The following TTLL5 variants were observed in gnomAD, a reference collection of about 807,000 sequenced individuals.
TTLL5 encodes the protein tubulin polyglutamylase TTLL5.
TTLL5 carries 132 observed loss-of-function variants against 168.4 expected under a neutral mutation model. The ratio of observed to expected loss-of-function variants is 0.78; its 90% CI spans 0.68 to 0.91. The LOEUF is 0.91. TTLL5 is among the 40% of genes least tolerant of loss of function. The probability of loss-of-function intolerance (pLI) is 0.00; values close to 1 mark genes in which losing one functional copy is unlikely to be tolerated. For missense variants in TTLL5, 1,545 were observed against 1,581.5 expected (o/e 0.98, Z 0.39); for synonymous variants, 546 against 558.6 (o/e 0.98, Z 0.32).
intron 21 of TTLL5, among the ~76,000 whole-genome samples, chr14:75,772,290 G>A (rs756921150): frequency 2.0e-5 from 3 of 152,090 alleles, no homozygotes; most frequent in Non-Finnish European, 4.4e-5. Flanking sequence ...GGTTCCACAG[G>A]TTATACGTGA....
chr14:75,765,861 C>CA (rs1315055844), intron 19 of TTLL5, among the ~76,000 whole-genome samples: 1 of 151,712 alleles, frequency 6.6e-6, no homozygotes, highest in Admixed American at 6.6e-5. Context: ...GACCCTGAAT[C>CA]AAAAAATGAT....
intron 24 of TTLL5, among the ~76,000 whole-genome samples, chr14:75,782,192 T>A (rs1284754009): frequency 6.6e-6 from 1 of 152,008 alleles, no homozygotes; most frequent in Non-Finnish European, 1.5e-5. Context: ...TATTATTATT[T>A]TTCCAGATAA....
chr14:75,766,302 T>G lies in TTLL5; in HGVS notation c.1949T>G (p.Leu650Arg). The part of the protein sequence containing the change: ...WNNKGGHCCK[L>R]ETQELEPKFN... ...AATAAAGGTGGACACTGCTGCAAACTTGAGACTCAGGAGCTAGAGCCTAAA... is the reference window on the plus strand; with the variant it reads ...AATAAAGGTGGACACTGCTGCAAACGTGAGACTCAGGAGCTAGAGCCTAAA... The change falls in exon 20 of 32, where the codon CTT becomes CGT. Residue 650 changes from leucine to arginine, a missense_variant. By Grantham distance (102) the Leu-to-Arg change is moderately radical. Coordinates refer to ENST00000298832, the MANE Select transcript of TTLL5 (RefSeq NM_015072.5). 1 of 1,614,024 alleles carries G rather than the reference T, an allele frequency of 6.2e-7. No individual in the cohort carries two copies. The highest frequency in any genetic ancestry group is 1.3e-5 in the African/African-American group (1 of 75,038).
chr14:75,770,179 G>GA (rs56876692), intron 20 of TTLL5, among the ~76,000 whole-genome samples: 22,160 of 84,922 alleles, frequency 0.26, 3,863 homozygotes, highest in East Asian at 0.44. Flanking sequence ...ACTCTGTCTC[G>GA]AAAAAAAAAA....
intron 31 of TTLL5, among the ~76,000 whole-genome samples, chr14:75,941,866 T>G (rs965598528): frequency 6.8e-6 from 1 of 147,288 alleles, no homozygotes; most frequent in Non-Finnish European, 1.5e-5. Flanking sequence ...TTTTTTTTTT[T>G]TCTGAACTGG....
intron 28 of TTLL5, among the ~76,000 whole-genome samples, chr14:75,854,951 C>T (rs933669964): frequency 3.3e-5 from 5 of 152,180 alleles, no homozygotes; most frequent in Admixed American, 6.5e-5. Context: ...TCCTCAAAGG[C>T]ATGTCTTGCT....
At chr14:75,889,647 G>A (rs1412462062) in intron 30 of TTLL5, among the ~76,000 whole-genome samples, 1 of 152,004 alleles carries the variant, frequency 6.6e-6, no homozygotes, top group Non-Finnish European at 1.5e-5. Flanking sequence ...GGCCAACATG[G>A]CAAAACCCCG....
At chr14:75,886,586 C>T (rs1882827) in intron 30 of TTLL5, 1,030,244 of 1,212,774 alleles carry the variant, frequency 0.85, 438,413 homozygotes, top group East Asian at 0.94. Context: ...AGCTAAATCT[C>T]ATTTGTCAGT....
chr14:75,743,542 A>T (rs1277604738), intron 15 of TTLL5, among the ~76,000 whole-genome samples: 3 of 142,874 alleles, frequency 2.1e-5, no homozygotes, highest in African/African-American at 7.7e-5. Flanking sequence ...GGTCTGGGGG[A>T]GAGAGAGTGA....
At chr14:75,863,933 A>AAAAAAAAAC in intron 29 of TTLL5, 71 bp downstream of exon 29, 1 of 1,268,264 alleles carries the variant, frequency 7.9e-7, no homozygotes. Flanking sequence ...AAAAAAAAAA[A>AAAAAAAAAC]AGGTCAGTGA....
rs78837462 is a variant in TTLL5, at chr14:75,706,659, C to T, written c.586-359C>T. Among the ~76,000 whole-genome samples, 12 of 152,122 alleles carry T rather than the reference C, an allele frequency of 7.9e-5. No homozygotes were observed. In the East Asian group the frequency reaches 2.1e-3, roughly 27 times the overall value. On this transcript the variant is annotated intron_variant, in intron 7 of 31. Transcript: ENST00000298832. ...TTTCCATTATACTTCAGGGAGAAAGCAAGTTTTCATTTATTTTTAAAGTGG... is the reference window on the plus strand; with the variant it reads ...TTTCCATTATACTTCAGGGAGAAAGTAAGTTTTCATTTATTTTTAAAGTGG...
In TTLL5 at chr14:75,764,740, G is replaced by T. The variant is rs776703500; in HGVS notation, c.1676G>T (p.Ser559Ile). Reference sequence around the variant, plus strand: ...GTGCGAAAACGTAGACGACGGAGTAGCAGATTGAGGGCAATGAGGCCAAAA... The same window carrying T: ...GTGCGAAAACGTAGACGACGGAGTATCAGATTGAGGGCAATGAGGCCAAAA... ...LEVRKRRRRS[S>I]RLRAMRPKYP... The change falls in exon 19 of 32, where the codon AGC (serine) becomes ATC (isoleucine). Residue 559 changes from serine to isoleucine, a missense_variant. Physicochemically the swap from Ser to Ile is moderately radical, Grantham distance 142 (BLOSUM62 -2). Transcript: ENST00000298832. The T allele has an allele frequency of 2.5e-6, 4 of 1,614,038 alleles. No homozygotes were observed. Among genetic ancestry groups the T allele is most frequent in the African/African-American group, 1.3e-5 (1 of 74,930 alleles).
chr14:75,783,993 A>AT (rs1305297037), intron 26 of TTLL5, among the ~76,000 whole-genome samples: 1 of 152,196 alleles, frequency 6.6e-6, no homozygotes, highest in Non-Finnish European at 1.5e-5. Flanking sequence ...TTTGTCCTCC[A>AT]TTTTTTAATA....
chr14:75,773,189 C>A (rs1397541407), intron 21 of TTLL5, among the ~76,000 whole-genome samples: 1 of 152,100 alleles, frequency 6.6e-6, no homozygotes, highest in African/African-American at 2.4e-5. Flanking sequence ...AGAGATAAAA[C>A]CTTGTGTGTT....
intron 29 of TTLL5, among the ~76,000 whole-genome samples, chr14:75,865,481 T>C (rs2030443437): frequency 2.0e-5 from 3 of 151,968 alleles, no homozygotes; most frequent in Admixed American, 1.3e-4. Flanking sequence ...CAACACGCCA[T>C]TTACCTTCAT....
chr14:75,893,772 C>T (rs993799410), intron 30 of TTLL5, among the ~76,000 whole-genome samples: 8 of 136,884 alleles, frequency 5.8e-5, no homozygotes, highest in East Asian at 2.2e-4. Context: ...GAGCCAAGAT[C>T]GTGCCACTGC....
intron 28 of TTLL5, among the ~76,000 whole-genome samples, chr14:75,861,003 T>C (rs1480461945): frequency 6.6e-6 from 1 of 152,216 alleles, no homozygotes; most frequent in Non-Finnish European, 1.5e-5. Flanking sequence ...TCTCCATACG[T>C]CTAGAAGTCT....
intron 28 of TTLL5, among the ~76,000 whole-genome samples, chr14:75,844,722 C>T (rs1896454634): frequency 6.6e-6 from 1 of 152,210 alleles, no homozygotes; most frequent in Non-Finnish European, 1.5e-5. Context: ...CTTGGCTGTC[C>T]TCATTCTTGG....
chr14:75,752,952 AC>A lies in TTLL5; in HGVS notation c.1548del (p.Asp516GlufsTer3), dbSNP rs1246046760. 7 of 1,612,780 alleles carry A rather than the reference AC, an allele frequency of 4.3e-6. No homozygotes were observed. The highest frequency in any genetic ancestry group is 5.9e-6 in the Non-Finnish European group (7 of 1,179,144). ...ATGCTGGCAACACGCCTCTTCCAGG[AC>A]AGGTAGAGATTTGCTAAACTTTAAA... ...NYMLATRLFQ[D>X]RMTADGAPEL... On this transcript the variant is annotated frameshift_variant and splice_region_variant, in exon 18 of 32. Transcript: ENST00000298832. LOFTEE classifies it high-confidence loss of function.
Sources: allele counts gnomAD v4.1 joint callset (sites outside exome capture counted in the v4.1 genomes callset), GRCh38; gene constraint gnomAD v4.1.1; transcripts MANE v1.5; gene names NCBI Gene and HGNC (gene_info 2026-07-23, HGNC 2026-07-21).